FLT3: variants seen among roughly 807,000 people sequenced by gnomAD.
FLT3 encodes receptor-type tyrosine-protein kinase FLT3.
Under a neutral mutation model 126.6 loss-of-function variants are expected in FLT3, and 46 were observed. The ratio of observed to expected loss-of-function variants is 0.36; its 90% CI spans 0.29 to 0.46. FLT3 has a LOEUF of 0.46. Ranked by LOEUF, FLT3 falls within the 20% of genes least tolerant of loss-of-function variation. FLT3 has a pLI of 1.00. For synonymous variants in FLT3, 404 were observed against 434.4 expected, an observed-to-expected ratio of 0.93 and a Z score of 0.87; for missense variants, 1,069 against 1,190.3, an observed-to-expected ratio of 0.90 and a Z score of 1.50.
intron 1 of FLT3, among the ~76,000 whole-genome samples, chr13:28,082,584 C>A (rs181224862): frequency 1.3e-5 from 2 of 152,154 alleles, no homozygotes; most frequent in African/African-American, 4.8e-5. Flanking sequence ...CAACCTCCAC[C>A]TCCCATGCTC....
Position 28,023,370 on chromosome 13 carries a change from C to T in FLT3, c.2398G>A (p.Glu800Lys). 6.2e-7 allele frequency: 1 copy of T among 1,613,174 alleles called. No homozygotes were observed. Among genetic ancestry groups the T allele is most frequent in the Non-Finnish European group, 8.5e-7 (1 of 1,179,726 alleles). Residue 800 changes from glutamate to lysine, a missense_variant, in exon 19 of 24, where the codon GAA (glutamate) becomes AAA (lysine). By Grantham distance (56) the Glu-to-Lys change is moderately conservative. Coordinates refer to ENST00000241453, the MANE Select transcript of FLT3 (RefSeq NM_004119.3). ...CATACCGACTTAAATTCCAGAAATT[C>T]CATTCCTTTGGCAACTTGATATGCA... ...CFAYQVAKGMEFLEFKSCVHR... is the reference protein window; with the variant it reads ...CFAYQVAKGMKFLEFKSCVHR...
At chr13:28,012,079 C>G (rs1871441160) in intron 23 of FLT3, among the ~76,000 whole-genome samples, 1 of 152,058 alleles carries the variant, frequency 6.6e-6, no homozygotes, top group East Asian at 1.9e-4. Context: ...CATGTGTGAC[C>G]CACTGCAATG....
In FLT3 at chr13:28,090,305, G is replaced by A. The variant is rs556046126; in HGVS notation, c.43+10163C>T. 1.0e-3 allele frequency among the ~76,000 whole-genome samples: 153 copies of A among 152,094 alleles called. 1 individual carries two copies. Among genetic ancestry groups the A allele is most frequent in the African/African-American group, 3.5e-3 (145 of 41,494 alleles). ...CCTGCCTCAGCCTCCCAAAGTGCTGGGATTACAGGTTCGAGCCACTGTGCA... is the reference window on the plus strand; with the variant it reads ...CCTGCCTCAGCCTCCCAAAGTGCTGAGATTACAGGTTCGAGCCACTGTGCA... On this transcript the variant is annotated intron_variant, in intron 1 of 23. Coordinates refer to ENST00000241453, the MANE Select transcript of FLT3 (RefSeq NM_004119.3).
chr13:28,076,919 C>A (rs1280026243), intron 1 of FLT3, among the ~76,000 whole-genome samples: 2 of 145,824 alleles, frequency 1.4e-5, no homozygotes, highest in African/African-American at 5.0e-5. Context: ...CAGAGTGAGA[C>A]CCTGTCTCTG....
At chr13:28,038,627 T>C (rs7338112) in intron 9 of FLT3, among the ~76,000 whole-genome samples, 3,195 of 152,058 alleles carry the variant, frequency 0.021, 108 homozygotes, top group African/African-American at 0.072. Context: ...TAATTTTTTA[T>C]ATTTTTTAGT....
chr13:28,041,982 A>G (rs7334951), intron 9 of FLT3, among the ~76,000 whole-genome samples: 136,983 of 151,798 alleles, frequency 0.9, 61,971 homozygotes, highest in South Asian at 0.97. Context: ...GTGAAACTCC[A>G]TCTCTACTAA....
chr13:28,037,071 A>G (rs1177414004), intron 10 of FLT3, 114 bp downstream of exon 10: 12 of 649,016 alleles, frequency 1.8e-5, no homozygotes, highest in Non-Finnish European at 3.3e-5. Context: ...TTCAGCGTAC[A>G]AAAACAGTTT....
intron 10 of FLT3, 122 bp from the exon 11 acceptor site, chr13:28,036,165 C>G: frequency 1.3e-6 from 1 of 742,714 alleles, no homozygotes; most frequent in Non-Finnish European, 2.4e-6. Flanking sequence ...CAAGACCAGC[C>G]TGGGCAACAC....
intron 1 of FLT3, among the ~76,000 whole-genome samples, chr13:28,079,990 A>G (rs1208717692): frequency 6.6e-6 from 1 of 152,220 alleles, no homozygotes; most frequent in Non-Finnish European, 1.5e-5. Flanking sequence ...TAGTAAAATG[A>G]GAACTCACTC....
intron 1 of FLT3, among the ~76,000 whole-genome samples, chr13:28,082,528 C>T (rs1364279758): frequency 6.6e-6 from 1 of 151,732 alleles, no homozygotes; most frequent in African/African-American, 2.4e-5. Context: ...CATGATCTCA[C>T]TGTGTCACCT....
At chr13:28,093,227 C>CTT (rs779080122) in intron 1 of FLT3, among the ~76,000 whole-genome samples, 2 of 143,326 alleles carry the variant, frequency 1.4e-5, no homozygotes, top group Non-Finnish European at 3.1e-5. Context: ...CACCTGGCCT[C>CTT]TTTTTTTTTT....
rs1325882282 is a variant in FLT3 at position 28,030,610 on chromosome 13, C to T, written c.1943-2322G>A. ...GACGTGGGTCCCCGCGCCTCTAATC[C>T]CAACATCTTGGGAGGCTGAGACAAG... On this transcript the variant is annotated intron_variant, in intron 15 of 23. Coordinates refer to ENST00000241453, the MANE Select transcript of FLT3 (RefSeq NM_004119.3). Among the ~76,000 whole-genome samples the T allele has an allele frequency of 3.3e-5, 5 of 152,198 alleles. No homozygotes were observed. In the East Asian group the frequency reaches 9.6e-4, roughly 29 times the overall value.
At chr13:28,056,971 C>T (rs550716151) in intron 4 of FLT3, among the ~76,000 whole-genome samples, 3 of 152,230 alleles carry the variant, frequency 2.0e-5, no homozygotes, top group East Asian at 3.9e-4. Context: ...ATAAGGAAAT[C>T]GGGGCTCAGA....
chr13:28,090,621 T>C lies in FLT3; in HGVS notation c.43+9847A>G, dbSNP rs140275502. 4.2e-3 allele frequency among the ~76,000 whole-genome samples: 636 copies of C among 151,992 alleles called. 4 individuals carry two copies. Among genetic ancestry groups the C allele is most frequent in the African/African-American group, 0.015 (603 of 41,442 alleles). On this transcript the variant is annotated intron_variant, in intron 1 of 23. Transcript: ENST00000241453. ...GGCAAAGCCCCATCTCTACCAAAAA[T>C]ACAAAAACTACCCTAGTGTGGTGGT...
intron 9 of FLT3, among the ~76,000 whole-genome samples, chr13:28,037,875 C>G (rs1873989287): frequency 2.0e-5 from 3 of 152,174 alleles, no homozygotes. Context: ...TTGCACACGC[C>G]AGGGATCTAG....
intron 9 of FLT3, among the ~76,000 whole-genome samples, chr13:28,038,822 G>C (rs1220812192): frequency 6.6e-6 from 1 of 152,112 alleles, no homozygotes; most frequent in African/African-American, 2.4e-5. Flanking sequence ...CAGAGTGGAC[G>C]CAGCTTTAGA....
chr13:28,082,358 T>C (rs1311038367), intron 1 of FLT3, among the ~76,000 whole-genome samples: 3 of 152,144 alleles, frequency 2.0e-5, no homozygotes, highest in Non-Finnish European at 2.9e-5. Context: ...GATGGGGTCT[T>C]GCTATGTTGC....
intron 23 of FLT3, among the ~76,000 whole-genome samples, chr13:28,012,952 G>T (rs1871527449): frequency 6.6e-6 from 1 of 151,196 alleles, no homozygotes; most frequent in South Asian, 2.1e-4. Flanking sequence ...AAAAAAAAGT[G>T]TATAGCTAGA....
At chr13:28,019,099 C>T (rs1458209288) in intron 19 of FLT3, among the ~76,000 whole-genome samples, 1 of 151,696 alleles carries the variant, frequency 6.6e-6, no homozygotes, top group Non-Finnish European at 1.5e-5. Flanking sequence ...TCCCGAGTTG[C>T]TGGGATTACA....
Sources: gnomAD v4.1 joint callset for allele counts (sites outside exome capture counted in the v4.1 genomes callset) on GRCh38, gnomAD v4.1.1 for gene constraint, MANE v1.5 for transcripts, NCBI Gene and HGNC (gene_info 2026-07-23, HGNC 2026-07-21) for gene names.